Variants in NOS1AP observed in about 807,000 individuals in gnomAD.
NOS1AP encodes the protein nitric oxide synthase 1 adaptor protein.
NOS1AP carries 21 observed loss-of-function variants against 56.2 expected under a neutral mutation model. The ratio of observed to expected loss-of-function variants is 0.37; its 90% CI spans 0.26 to 0.54. The LOEUF is 0.54. Ranked by LOEUF, NOS1AP falls within the 20% of genes least tolerant of loss-of-function variation. The probability of loss-of-function intolerance (pLI) is 0.84; values close to 1 mark genes in which losing one functional copy is unlikely to be tolerated. For synonymous variants in NOS1AP, 270 were observed against 274.6 expected (o/e 0.98, Z 0.17); for missense variants, 522 against 657.8 (o/e 0.79, Z 2.26).
chr1:162,106,894 T>C (rs1379281544), intron 1 of NOS1AP, among the ~76,000 whole-genome samples: 1 of 152,248 alleles, frequency 6.6e-6, no homozygotes, highest in Non-Finnish European at 1.5e-5. Flanking sequence ...ACAAAATTCC[T>C]AGAATCCTCT....
intron 2 of NOS1AP, among the ~76,000 whole-genome samples, chr1:162,242,522 G>A (rs139874194): frequency 6.6e-6 from 1 of 152,312 alleles, no homozygotes; most frequent in African/African-American, 2.4e-5. Flanking sequence ...TCTGTCAGCT[G>A]TGGATTGAGC....
At chr1:162,204,656 A>T (rs1012527005) in intron 2 of NOS1AP, among the ~76,000 whole-genome samples, 13 of 152,214 alleles carry the variant, frequency 8.5e-5, no homozygotes, top group African/African-American at 2.9e-4. Flanking sequence ...GCCTCTTGTC[A>T]TATAGTGTGG....
intron 2 of NOS1AP, among the ~76,000 whole-genome samples, chr1:162,231,106 G>A (rs1653110059): frequency 6.6e-6 from 1 of 152,186 alleles, no homozygotes; most frequent in African/African-American, 2.4e-5. Flanking sequence ...TCCACCAACA[G>A]TGTACATGGG....
At chr1:162,210,105 C>A (rs1180171205) in intron 2 of NOS1AP, among the ~76,000 whole-genome samples, 3 of 152,210 alleles carry the variant, frequency 2.0e-5, no homozygotes, top group Admixed American at 2.0e-4. Context: ...GGGCATACTG[C>A]TGTCTGAAAG....
chr1:162,075,468 C>T (rs1010902143), intron 1 of NOS1AP, among the ~76,000 whole-genome samples: 39 of 152,218 alleles, frequency 2.6e-4, no homozygotes, highest in African/African-American at 8.9e-4. Flanking sequence ...CTTAAACATA[C>T]GGCCATGAAG....
At chr1:162,324,525 T>C (rs1044667390) in intron 4 of NOS1AP, among the ~76,000 whole-genome samples, 9 of 149,500 alleles carry the variant, frequency 6.0e-5, no homozygotes, top group Admixed American at 1.4e-4. Flanking sequence ...TGGTGGTTTG[T>C]GGTTGATTCA....
chr1:162,139,867 C>T (rs75889786), intron 1 of NOS1AP, among the ~76,000 whole-genome samples: 4,406 of 151,882 alleles, frequency 0.029, 227 homozygotes, highest in African/African-American at 0.1. Context: ...CTTACTTTGT[C>T]GCCCAGGCTG....
chr1:162,214,312 A>G (rs1456599668), intron 2 of NOS1AP, among the ~76,000 whole-genome samples: 1 of 151,944 alleles, frequency 6.6e-6, no homozygotes, highest in Non-Finnish European at 1.5e-5. Flanking sequence ...AAGCCAATAT[A>G]TTGTTTACTC....
chr1:162,072,114 A>AT (rs57606583), intron 1 of NOS1AP, among the ~76,000 whole-genome samples: 3 of 151,836 alleles, frequency 2.0e-5, no homozygotes, highest in East Asian at 1.9e-4. Flanking sequence ...AGATAGATAG[A>AT]AAGTGTATTT....
intron 1 of NOS1AP, among the ~76,000 whole-genome samples, chr1:162,128,090 T>C (rs2102059975): frequency 6.6e-6 from 1 of 152,310 alleles, no homozygotes; most frequent in South Asian, 2.1e-4. Context: ...TTTTGGTCAA[T>C]TGCAGGGTAT....
At chr1:162,281,954 G>A (rs1347073139) in intron 2 of NOS1AP, among the ~76,000 whole-genome samples, 1 of 152,176 alleles carries the variant, frequency 6.6e-6, no homozygotes, top group East Asian at 1.9e-4. Flanking sequence ...ACAAAAATTA[G>A]CTGGGCATGG....
At chr1:162,241,547 C>G (rs1406872693) in intron 2 of NOS1AP, among the ~76,000 whole-genome samples, 1 of 152,266 alleles carries the variant, frequency 6.6e-6, no homozygotes, top group Admixed American at 6.5e-5. Flanking sequence ...ATCCCCATGA[C>G]TGTATGAGGT....
At chr1:162,173,122 T>TA (rs1481870516) in intron 2 of NOS1AP, among the ~76,000 whole-genome samples, 14 of 152,220 alleles carry the variant, frequency 9.2e-5, no homozygotes, top group Admixed American at 6.5e-5. Flanking sequence ...ATGCAAAAGT[T>TA]ATTGCGTTTT....
At chr1:162,338,372 A>G (rs1320901012) in intron 5 of NOS1AP, among the ~76,000 whole-genome samples, 2 of 152,114 alleles carry the variant, frequency 1.3e-5, no homozygotes, top group Admixed American at 6.5e-5. Flanking sequence ...TGTCATTGTC[A>G]TCATCATCTT....
At chr1:162,359,616 T>G (rs1657822408) in intron 8 of NOS1AP, among the ~76,000 whole-genome samples, 1 of 152,118 alleles carries the variant, frequency 6.6e-6, no homozygotes, top group Admixed American at 6.5e-5. Flanking sequence ...TATCCTTGGG[T>G]AAAAACAATT....
intron 2 of NOS1AP, among the ~76,000 whole-genome samples, chr1:162,178,149 G>A (rs921916295): frequency 6.6e-6 from 1 of 152,148 alleles, no homozygotes; most frequent in Non-Finnish European, 1.5e-5. Context: ...ATGCATTTAA[G>A]ATTCCTCTAG....
intron 2 of NOS1AP, among the ~76,000 whole-genome samples, chr1:162,230,422 A>G (rs909268035): frequency 2.0e-5 from 3 of 152,222 alleles, no homozygotes; most frequent in Non-Finnish European, 4.4e-5. Flanking sequence ...GCTCAGTCCA[A>G]TAGAAATATA....
intron 2 of NOS1AP, among the ~76,000 whole-genome samples, chr1:162,160,608 T>G (rs1650161752): frequency 6.6e-6 from 1 of 152,164 alleles, no homozygotes; most frequent in African/African-American, 2.4e-5. Flanking sequence ...TTACCTCCTC[T>G]GGGAGGCTTT....
At chr1:162,126,531 T>C (rs563122856) in intron 1 of NOS1AP, among the ~76,000 whole-genome samples, 199 of 152,168 alleles carry the variant, frequency 1.3e-3, no homozygotes, top group Non-Finnish European at 2.1e-3. Flanking sequence ...TTTTTTTTTT[T>C]TCTCTCTGTA....
Sources: gnomAD v4.1 joint callset for allele counts (sites outside exome capture counted in the v4.1 genomes callset) on GRCh38, gnomAD v4.1.1 for gene constraint, MANE v1.5 for transcripts, NCBI Gene and HGNC (gene_info 2026-07-23, HGNC 2026-07-21) for gene names.